The following C6orf52 variants were observed in gnomAD, a reference collection of about 807,000 sequenced individuals.
C6orf52 encodes the protein putative uncharacterized protein C6orf52.
A neutral mutation model predicts 16.6 loss-of-function variants in C6orf52; 16 were observed. The ratio of observed to expected loss-of-function variants is 0.96; its 90% CI spans 0.65 to 1.46. The LOEUF is 1.46. Ranked by LOEUF, C6orf52 falls within the 40% of genes most tolerant of loss-of-function variation. C6orf52 has a pLI of 0.00. For missense variants in C6orf52, 166 were observed against 182.3 expected, an observed-to-expected ratio of 0.91 and a Z score of 0.52; for synonymous variants, 53 against 61.4, an observed-to-expected ratio of 0.86 and a Z score of 0.64.
At chr6:10,681,947 T>C (rs917166120) in intron 4 of C6orf52, among the ~76,000 whole-genome samples, 3 of 152,108 alleles carry the variant, frequency 2.0e-5, no homozygotes, top group East Asian at 3.9e-4. Context: ...AATAAATCAA[T>C]GTGGAGTGGC....
At chr6:10,684,767 G>A (rs1768714889) in intron 3 of C6orf52, 1 of 779,850 alleles carries the variant, frequency 1.3e-6, no homozygotes, top group Non-Finnish European at 1.9e-6. Flanking sequence ...GAATGACTAG[G>A]ACATCTTGGC....
chr6:10,685,571 T>C (rs1267032987), intron 3 of C6orf52, among the ~76,000 whole-genome samples: 5 of 152,174 alleles, frequency 3.3e-5, no homozygotes, highest in Non-Finnish European at 7.3e-5. Flanking sequence ...CTCTGCATAT[T>C]AGGAGACAAG....
At chr6:10,689,698 G>A (rs111880095) in intron 1 of C6orf52, among the ~76,000 whole-genome samples, 7 of 152,104 alleles carry the variant, frequency 4.6e-5, no homozygotes, top group African/African-American at 7.2e-5. Flanking sequence ...CAAATATGAC[G>A]GCTGGTGTCA....
chr6:10,677,969 G>A (rs1469064111), intron 4 of C6orf52, among the ~76,000 whole-genome samples: 18 of 151,796 alleles, frequency 1.2e-4, no homozygotes. Context: ...CCTGAGGTCA[G>A]GAGTTCAAGA....
At chr6:10,679,461 A>G (rs542740205) in intron 4 of C6orf52, among the ~76,000 whole-genome samples, 146 of 152,042 alleles carry the variant, frequency 9.6e-4, no homozygotes, top group African/African-American at 3.5e-3. Flanking sequence ...AAATAGAAAA[A>G]AAAATAGCTC....
chr6:10,692,777 GC>G (rs553140207), intron 1 of C6orf52, among the ~76,000 whole-genome samples: 86 of 152,142 alleles, frequency 5.7e-4, no homozygotes, highest in African/African-American at 2.0e-3. Context: ...GCCTGCCTAG[GC>G]CTCGCAAAGT....
At chr6:10,685,071 G>GA (rs1255281025) in intron 3 of C6orf52, 6 of 300,138 alleles carry the variant, frequency 2.0e-5, no homozygotes, top group African/African-American at 1.1e-4. Context: ...AGCCAGGTGA[G>GA]AAAAAAAGGA....
chr6:10,679,850 T>C (rs1325553466), intron 4 of C6orf52, among the ~76,000 whole-genome samples: 1 of 152,230 alleles, frequency 6.6e-6, no homozygotes, highest in African/African-American at 2.4e-5. Context: ...AGCTGTGAGT[T>C]TGTTATATGG....
Position 10,694,588 on chromosome 6 carries a change from T to A in C6orf52, c.-106A>T. 5.7e-6 allele frequency: 1 copy of A among 176,918 alleles called. No individual in the cohort carries two copies. Among genetic ancestry groups the A allele is most frequent in the Admixed American group, 5.9e-5 (1 of 16,950 alleles). 11.0% of individuals were successfully genotyped at this position (176,918 alleles called of 1,614,324 possible). A position where few individuals can be genotyped will look rare whatever the true frequency, so the allele number is the denominator to read the frequency against. Reference sequence around the variant, plus strand: ...CCACAACAATGCACGCTGCCGGCGCTACAGCCCCTAAGCAACCGGCCGGAA... The same window carrying A: ...CCACAACAATGCACGCTGCCGGCGCAACAGCCCCTAAGCAACCGGCCGGAA... On this transcript the variant is annotated 5_prime_UTR_variant, in exon 1 of 5. Transcript: ENST00000259983.
Position 10,694,606 on chromosome 6 carries a change from G to GT in C6orf52, c.-125_-124insA. 8.8e-5 allele frequency: 15 copies of GT among 169,824 alleles called. No homozygotes were observed. Among genetic ancestry groups the GT allele is most frequent in the South Asian group, 6.7e-4 (5 of 7,416 alleles). The allele number at this position is 169,824 out of a possible 1,614,324, so 10.5% of individuals were successfully genotyped here. ...CCGGCGCTACAGCCCCTAAGCAACCGGCCGGAAGTCGGCCCCACCTCCTCC... is the reference window on the plus strand; with the variant it reads ...CCGGCGCTACAGCCCCTAAGCAACCGTGCCGGAAGTCGGCCCCACCTCCTCC... On this transcript the variant is annotated 5_prime_UTR_variant, in exon 1 of 5. Coordinates refer to ENST00000259983, the MANE Select transcript of C6orf52 (RefSeq NM_001145020.3).
chr6:10,676,049 G>T (rs1467266414), intron 4 of C6orf52, among the ~76,000 whole-genome samples: 1 of 152,146 alleles, frequency 6.6e-6, no homozygotes, highest in Non-Finnish European at 1.5e-5. Context: ...GGGTTCATTT[G>T]AACGGGGGAG....
At chr6:10,690,727 C>A (rs1769216432) in intron 1 of C6orf52, among the ~76,000 whole-genome samples, 1 of 152,152 alleles carries the variant, frequency 6.6e-6, no homozygotes, top group Non-Finnish European at 1.5e-5. Flanking sequence ...AATTTAAAAG[C>A]AAAGCTACAA....
chr6:10,688,199 GTTTT>G (rs776752770), intron 1 of C6orf52, among the ~76,000 whole-genome samples: 1 of 145,386 alleles, frequency 6.9e-6, no homozygotes, highest in Non-Finnish European at 1.5e-5. Flanking sequence ...CTCTGGTTCA[GTTTT>G]TTTTTTTAAA....
At chr6:10,691,164 T>G (rs1171368276) in intron 1 of C6orf52, among the ~76,000 whole-genome samples, 2 of 152,198 alleles carry the variant, frequency 1.3e-5, no homozygotes, top group African/African-American at 4.8e-5. Flanking sequence ...TTACCCTTAA[T>G]GAGGTACGCT....
chr6:10,679,129 T>C (rs372773021), intron 4 of C6orf52, among the ~76,000 whole-genome samples: 3 of 151,636 alleles, frequency 2.0e-5, no homozygotes, highest in Non-Finnish European at 4.4e-5. Context: ...TTGTTTACAA[T>C]GTAAATACCT....
intron 1 of C6orf52, among the ~76,000 whole-genome samples, chr6:10,690,189 C>CAT (rs1023932835): frequency 6.6e-5 from 10 of 152,086 alleles, no homozygotes; most frequent in Admixed American, 5.9e-4. Flanking sequence ...TAAGCAAGAT[C>CAT]CCAGGGTAAA....
chr6:10,673,976 C>G (rs1028496101), intron 4 of C6orf52, among the ~76,000 whole-genome samples: 3 of 152,128 alleles, frequency 2.0e-5, no homozygotes, highest in Non-Finnish European at 4.4e-5. Flanking sequence ...GTTTGGGCTG[C>G]TAACAACATA....
chr6:10,672,350 A>G (rs1767507272), intron 4 of C6orf52, among the ~76,000 whole-genome samples: 1 of 152,154 alleles, frequency 6.6e-6, no homozygotes, highest in Non-Finnish European at 1.5e-5. Flanking sequence ...GGTTCATGCT[A>G]TTCATCTGTA....
Position 10,687,025 on chromosome 6 carries a change from C to G in C6orf52, c.211G>C (p.Asp71His), listed in dbSNP as rs1768915571. Reference protein sequence around the residue: ...YGCAVDGNGKDCFSAHETPEH... With the variant: ...YGCAVDGNGKHCFSAHETPEH... ...GGGGTCTCATGCGCAGAAAAACAGT[C>G]CTTTCCATTTCCATCCACTGCACAG... is the stretch of plus-strand genomic sequence containing the variant. Residue 71 changes from aspartate (D) to histidine (H), a missense_variant, in exon 3 of 5, where the codon GAC becomes CAC. Transcript: ENST00000259983. 1 of 1,551,548 alleles carries G rather than the reference C, an allele frequency of 6.4e-7. No homozygotes were observed.
Sources: gnomAD v4.1 joint callset for allele counts (sites outside exome capture counted in the v4.1 genomes callset) on GRCh38, gnomAD v4.1.1 for gene constraint, MANE v1.5 for transcripts, NCBI Gene and HGNC (gene_info 2026-07-23, HGNC 2026-07-21) for gene names.